Variants in FBXO25 observed in about 807,000 individuals in gnomAD.
The protein encoded by FBXO25 is F-box protein 25, also known as F-box only protein 25.
In FBXO25, 45 loss-of-function variants were observed where a neutral mutation model predicts 51.9. The observed-to-expected ratio is 0.87, with a 90% confidence interval of 0.68 to 1.11. FBXO25 has a LOEUF of 1.11. Ranked by LOEUF, FBXO25 falls within the 50% of genes most tolerant of loss-of-function variation. The pLI, the probability that FBXO25 is intolerant of heterozygous loss-of-function variation, is 0.00. For missense variants in FBXO25, 507 were observed against 428.5 expected, an observed-to-expected ratio of 1.18 and a Z score of -1.62; for synonymous variants, 199 against 151.0, an observed-to-expected ratio of 1.32 and a Z score of -2.33.
chr8:408,764 G>A (rs1409220956), intron 1 of FBXO25, among the ~76,000 whole-genome samples: 2 of 152,122 alleles, frequency 1.3e-5, no homozygotes, highest in African/African-American at 4.8e-5. Flanking sequence ...CCACCCACGT[G>A]TCCTACCACA....
rs749525732 is a variant in FBXO25, at chr8:431,439, C to T, written c.233C>T (p.Thr78Ile). ...GACCATTTTAGAAATGACACAAATA[C>T]TCAAAGTAAGATCATTCTCATTAAT... ...KKDHFRNDTN[T>I]QSFYREKWIY... The change falls in exon 3 of 10, where the codon ACT (threonine) becomes ATT (isoleucine). Residue 78 changes from threonine (T) to isoleucine (I), a missense_variant. Coordinates refer to ENST00000350302, the MANE Select transcript of FBXO25 (RefSeq NM_183420.2). 6.8e-7 allele frequency: 1 copy of T among 1,464,374 alleles called. No homozygotes were observed. 90.7% of individuals were successfully genotyped at this position (1,464,374 alleles called of 1,614,324 possible).
At chr8:453,407 C>T (rs1204149671) in intron 7 of FBXO25, among the ~76,000 whole-genome samples, 1 of 152,082 alleles carries the variant, frequency 6.6e-6, no homozygotes, top group African/African-American at 2.4e-5. Context: ...CTGTGCCCTG[C>T]TTCTAGCCTC....
rs563836305 is a variant in FBXO25, at chr8:461,495, A to G, written c.844-1512A>G. ...TCAGATCTTGTGAGACTTATTCACT[A>G]TCACAAAAACAGCATGGGAAAGACT... On this transcript the variant is annotated intron_variant, in intron 8 of 9. Transcript: ENST00000350302. Among the ~76,000 whole-genome samples the G allele has an allele frequency of 7.2e-5, 11 of 152,304 alleles. No homozygotes were observed. In the East Asian group the frequency reaches 7.7e-4, roughly 11 times the overall value.
chr8:426,746 T>A (rs1400267504), intron 2 of FBXO25, among the ~76,000 whole-genome samples: 1 of 151,532 alleles, frequency 6.6e-6, no homozygotes, highest in Non-Finnish European at 1.5e-5. Flanking sequence ...CAGATTGCAC[T>A]CTGTGCACAG....
intron 2 of FBXO25, among the ~76,000 whole-genome samples, chr8:426,209 T>C (rs1030171194): frequency 4.6e-5 from 7 of 152,206 alleles, no homozygotes; most frequent in African/African-American, 1.7e-4. Context: ...GCTTATTCTT[T>C]AGTGGGTCAT....
intron 9 of FBXO25, among the ~76,000 whole-genome samples, chr8:465,738 A>T (rs1800113724): frequency 6.6e-6 from 1 of 152,186 alleles, no homozygotes; most frequent in Non-Finnish European, 1.5e-5. Context: ...GTAGTTTTCC[A>T]CTGTGGCATC....
intron 1 of FBXO25, among the ~76,000 whole-genome samples, chr8:408,771 C>CAG (rs1402577447): frequency 6.6e-6 from 1 of 152,122 alleles, no homozygotes; most frequent in Admixed American, 6.5e-5. Flanking sequence ...CGTGTCCTAC[C>CAG]ACATGAAATA....
At chr8:448,852 C>G (rs951603827) in intron 5 of FBXO25, among the ~76,000 whole-genome samples, 11 of 152,130 alleles carry the variant, frequency 7.2e-5, no homozygotes, top group African/African-American at 2.4e-4. Context: ...AACTAACAGG[C>G]TAAGATGTGT....
intron 3 of FBXO25, 120 bp downstream of exon 3, chr8:431,564 T>C: frequency 1.9e-6 from 1 of 535,684 alleles, no homozygotes; most frequent in South Asian, 3.1e-5. Context: ...CAGCCCAGTA[T>C]CCAGCATTGC....
At chr8:417,766 G>C (rs35004834) in intron 2 of FBXO25, among the ~76,000 whole-genome samples, 1 of 152,122 alleles carries the variant, frequency 6.6e-6, no homozygotes, top group Non-Finnish European at 1.5e-5. Context: ...TTCATTATAA[G>C]GATGGCATTT....
At chr8:440,104 G>A (rs2116642503) in intron 5 of FBXO25, among the ~76,000 whole-genome samples, 1 of 152,346 alleles carries the variant, frequency 6.6e-6, no homozygotes. Context: ...TCGAGGGTGA[G>A]GCAGGGAGGG....
In FBXO25 at chr8:431,425, A is replaced by C. The variant is rs771361716; in HGVS notation, c.219A>C (p.Arg73Ser). 2.6e-6 allele frequency: 4 copies of C among 1,518,088 alleles called. No homozygotes were observed. In the African/African-American group the frequency reaches 5.6e-5, roughly 21 times the overall value. 94.0% of individuals were successfully genotyped at this position (1,518,088 alleles called of 1,614,324 possible). A position where few individuals can be genotyped will look rare whatever the true frequency, so the allele number is the denominator to read the frequency against. Residue 73 changes from arginine to serine, a missense_variant, in exon 3 of 10, where the codon AGA becomes AGC. Coordinates refer to ENST00000350302, the MANE Select transcript of FBXO25 (RefSeq NM_183420.2). The part of the protein sequence containing the change: ...ASKKRKKDHF[R>S]NDTNTQSFYR... ...AAAAAAGGAAAAAGGACCATTTTAG[A>C]AATGACACAAATACTCAAAGTAAGA...
rs1800599211 is a variant in FBXO25, at chr8:474,953, C to T, written c.*6149C>T. On this transcript the variant is annotated 3_prime_UTR_variant, in exon 10 of 10. Transcript: ENST00000350302. The stretch of plus-strand genomic sequence containing the variant: ...CCCATTCCGTGGATTGCCTTTCACT[C>T]TGTTTTGTTCTTTGATGTACAGAAG... 2.4e-6 allele frequency: 1 copy of T among 421,936 alleles called. No individual in the cohort carries two copies. Among genetic ancestry groups the T allele is most frequent in the African/African-American group, 2.1e-5 (1 of 47,840 alleles). The allele number at this position is 421,936 out of a possible 1,614,324, so 26.1% of individuals were successfully genotyped here. A position where few individuals can be genotyped will look rare whatever the true frequency, so the allele number is the denominator to read the frequency against.
At chr8:442,356 C>G (rs1001118882) in intron 5 of FBXO25, among the ~76,000 whole-genome samples, 2 of 151,850 alleles carry the variant, frequency 1.3e-5, no homozygotes, top group Non-Finnish European at 2.9e-5. Flanking sequence ...TTAAGATACT[C>G]TAAGATAATT....
rs757226635 is a variant in FBXO25 at position 458,463 on chromosome 8, T to C, written c.755T>C (p.Leu252Ser). ...TCAGACGGATGGGACATCATCACCT[T>C]AGGCCAGGTGACCCCCACGTTGTAT... ...RFSDGWDIIT[L>S]GQVTPTLYML... The change falls in exon 8 of 10, where the codon TTA (leucine) becomes TCA (serine). Residue 252 changes from leucine to serine, a missense_variant. By Grantham distance (145) the Leu-to-Ser change is moderately radical (BLOSUM62 -2). Coordinates refer to ENST00000350302, the MANE Select transcript of FBXO25 (RefSeq NM_183420.2). 2 of 1,614,146 alleles carry C rather than the reference T, an allele frequency of 1.2e-6. No homozygotes were observed. The highest frequency in any genetic ancestry group is 2.2e-5 in the East Asian group (1 of 44,868).
chr8:417,835 A>G lies in FBXO25; in HGVS notation c.134+4622A>G, dbSNP rs189210627. ...GGCTTCCACTGACATCATTTTGGCT[A>G]TTTCCCACTTTTCATTATTTCTAGT... On this transcript the variant is annotated intron_variant, in intron 2 of 9. Coordinates refer to ENST00000350302, the MANE Select transcript of FBXO25 (RefSeq NM_183420.2). 8.5e-5 allele frequency among the ~76,000 whole-genome samples: 13 copies of G among 152,206 alleles called. 1 individual carries two copies. The highest frequency in any genetic ancestry group is 1.9e-4 in the African/African-American group (8 of 41,520).
intron 2 of FBXO25, among the ~76,000 whole-genome samples, chr8:418,519 T>C (rs1325071650): frequency 6.6e-6 from 1 of 151,952 alleles, no homozygotes; most frequent in Non-Finnish European, 1.5e-5. Context: ...TTTGTATTTT[T>C]AGTAGAAACA....
chr8:429,041 T>C (rs1797662183), intron 2 of FBXO25, among the ~76,000 whole-genome samples: 1 of 149,494 alleles, frequency 6.7e-6, no homozygotes, highest in Admixed American at 6.6e-5. Context: ...CTTTCAGTTC[T>C]TTTGAATATA....
intron 5 of FBXO25, among the ~76,000 whole-genome samples, chr8:439,391 T>A (rs1798291195): frequency 6.6e-6 from 1 of 152,146 alleles, no homozygotes; most frequent in Non-Finnish European, 1.5e-5. Flanking sequence ...TTAAATATGC[T>A]CTGTTTCCTA....
Sources: gnomAD v4.1 joint callset for allele counts (sites outside exome capture counted in the v4.1 genomes callset) on GRCh38, gnomAD v4.1.1 for gene constraint, MANE v1.5 for transcripts, NCBI Gene and HGNC (gene_info 2026-07-23, HGNC 2026-07-21) for gene names.